CDKL5: variants seen among roughly 807,000 people sequenced by gnomAD.
CDKL5 encodes the protein cyclin dependent kinase like 5.
A neutral mutation model predicts 61.7 loss-of-function variants in CDKL5; 8 were observed. The observed-to-expected ratio is 0.13, with a 90% CI of 0.08 to 0.23. The LOEUF is 0.23. Among genes scored for constraint, CDKL5 ranks in the 10% least tolerant of loss-of-function variants. The probability of loss-of-function intolerance (pLI) is 1.00; values close to 1 mark genes in which losing one functional copy is unlikely to be tolerated. For synonymous variants in CDKL5, 275 were observed against 272.3 expected, an observed-to-expected ratio of 1.01 and a Z score of -0.10; for missense variants, 440 against 734.5, an observed-to-expected ratio of 0.60 and a Z score of 4.63.
At chrX:18,493,353 G>A (rs1922057891) in intron 1 of CDKL5, among the ~76,000 whole-genome samples, 1 of 111,792 alleles carries the variant, frequency 8.9e-6, no homozygotes, top group African/African-American at 3.3e-5. Context: ...CATAGTACCC[G>A]GTACATGGTT....
rs748901881 is a variant in CDKL5 at position 18,554,111 on chromosome X, A to C, written c.100-10366A>C. Among the ~76,000 whole-genome samples, 3 of 106,581 alleles carry C rather than the reference A, an allele frequency of 2.8e-5. No homozygotes were observed. In the East Asian group the frequency reaches 8.8e-4, roughly 31 times the overall value. 92.6% of individuals were successfully genotyped at this position (106,581 alleles called of 115,157 possible). A position where few individuals can be genotyped will look rare whatever the true frequency, so the allele number is the denominator to read the frequency against. On this transcript the variant is annotated intron_variant, in intron 3 of 17. Coordinates refer to ENST00000623535, the MANE Select transcript of CDKL5 (RefSeq NM_001323289.2). ...TTTAAGTTCTAGGGTACATGTGCAC[A>C]ATGTGCAGGTTTGTTACATATGTAT...
chrX:18,599,144 TA>T (rs765014734), intron 11 of CDKL5, among the ~76,000 whole-genome samples: 132 of 112,945 alleles, frequency 1.2e-3, no homozygotes, highest in Non-Finnish European at 2.1e-3. Context: ...ATGGAAATAG[TA>T]AAGTCAGTGA....
chrX:18,588,229 C>G (rs1925707688), intron 9 of CDKL5, 86 bp downstream of exon 9: 2 of 703,211 alleles, frequency 2.8e-6, no homozygotes, highest in Admixed American at 4.5e-5. Flanking sequence ...GCTAAACTAT[C>G]CTTTGAATAC....
At chrX:18,527,017 A>C (rs929670689) in intron 3 of CDKL5, among the ~76,000 whole-genome samples, 16 of 111,481 alleles carry the variant, frequency 1.4e-4, no homozygotes, top group African/African-American at 4.9e-4. Context: ...TCCCGACCTC[A>C]GGTGATCCGC....
chrX:18,577,698 G>A (rs368353602), intron 5 of CDKL5, among the ~76,000 whole-genome samples: 15 of 111,726 alleles, frequency 1.3e-4, no homozygotes, highest in Non-Finnish European at 2.8e-4. Context: ...TGTACTCTTC[G>A]TTCTGGGCAG....
chrX:18,491,845 TTCTC>T (rs763306495), intron 1 of CDKL5, among the ~76,000 whole-genome samples: 1 of 111,554 alleles, frequency 9.0e-6, no homozygotes, highest in African/African-American at 3.2e-5. Flanking sequence ...CATATTTCAC[TTCTC>T]TCTCTAGCTT....
At chrX:18,593,024 C>T (rs1437862142) in intron 9 of CDKL5, among the ~76,000 whole-genome samples, 1 of 112,168 alleles carries the variant, frequency 8.9e-6, no homozygotes, top group African/African-American at 3.2e-5. Context: ...CATCCTGTGC[C>T]TCTGTTTCTT....
intron 20 of CDKL5, among the ~76,000 whole-genome samples, chrX:18,648,141 T>G (rs781544130): frequency 2.7e-4 from 30 of 111,370 alleles, no homozygotes; most frequent in Non-Finnish European, 3.8e-4. Flanking sequence ...GGCAGAGGTT[T>G]CAGTGAGCCG....
intron 3 of CDKL5, among the ~76,000 whole-genome samples, chrX:18,533,136 G>A (rs1923704544): frequency 9.0e-6 from 1 of 111,706 alleles, no homozygotes; most frequent in African/African-American, 3.2e-5. Flanking sequence ...GTTTTAAAAT[G>A]ATTTGCCGTA....
intron 2 of CDKL5, among the ~76,000 whole-genome samples, chrX:18,510,335 A>G (rs1394477221): frequency 9.0e-6 from 1 of 111,624 alleles, no homozygotes; most frequent in African/African-American, 3.3e-5. Context: ...TTGTATTTTT[A>G]GTAGAGATGG....
intron 1 of CDKL5, among the ~76,000 whole-genome samples, chrX:18,430,682 C>T (rs1200869566): frequency 9.1e-6 from 1 of 109,766 alleles, no homozygotes; most frequent in Non-Finnish European, 1.9e-5. Flanking sequence ...TGAGCTCAGA[C>T]AGTCCCCCCG....
chrX:18,545,742 A>G (rs1924169047), intron 3 of CDKL5, among the ~76,000 whole-genome samples: 1 of 112,390 alleles, frequency 8.9e-6, no homozygotes, highest in South Asian at 3.6e-4. Flanking sequence ...GGAATAATGT[A>G]TCTCTCCATT....
intron 20 of CDKL5, among the ~76,000 whole-genome samples, chrX:18,647,028 T>C (rs1927802397): frequency 9.0e-6 from 1 of 111,232 alleles, no homozygotes; most frequent in South Asian, 3.8e-4. Flanking sequence ...GCAATTCTCC[T>C]GCCTCAGCCT....
At chrX:18,524,177 G>T (rs1225297478) in intron 3 of CDKL5, among the ~76,000 whole-genome samples, 1 of 111,811 alleles carries the variant, frequency 8.9e-6, no homozygotes, top group African/African-American at 3.3e-5. Context: ...GAGAGGAGGG[G>T]TTTTAGTCTA....
chrX:18,542,555 C>A (rs1212523157), intron 3 of CDKL5, among the ~76,000 whole-genome samples: 3 of 110,921 alleles, frequency 2.7e-5, no homozygotes, highest in African/African-American at 9.8e-5. Context: ...GCTTTAAAAT[C>A]TCTGTCAGAT....
intron 20 of CDKL5, chrX:18,650,266 C>G: frequency 3.6e-6 from 2 of 551,162 alleles, no homozygotes; most frequent in South Asian, 4.9e-5. Flanking sequence ...TCTAAAGACC[C>G]GTGTGTCCAG....
intron 20 of CDKL5, chrX:18,647,350 A>G (rs1445843985): frequency 8.3e-7 from 1 of 1,206,396 alleles, no homozygotes; most frequent in Non-Finnish European, 1.1e-6. Context: ...AGGAAAAAGA[A>G]TTCACATTCA....
rs140900275 is a variant in CDKL5 at position 18,549,335 on chromosome X, C to T, written c.100-15142C>T. Among the ~76,000 whole-genome samples, 255 of 112,282 alleles carry T rather than the reference C, an allele frequency of 2.3e-3. 1 individual carries two copies. Among genetic ancestry groups the T allele is most frequent in the Non-Finnish European group, 1.9e-3 (103 of 53,246 alleles). ...ATAAGAAAGGCACAGTCAGTCCCTC[C>T]CTTGATAAAGGAATCTCTAGCAAGC... On this transcript the variant is annotated intron_variant, in intron 3 of 17. Coordinates refer to ENST00000623535, the MANE Select transcript of CDKL5 (RefSeq NM_001323289.2).
intron 1 of CDKL5, among the ~76,000 whole-genome samples, chrX:18,468,991 A>T (rs1920991188): frequency 9.0e-6 from 1 of 111,472 alleles, no homozygotes; most frequent in Non-Finnish European, 1.9e-5. Flanking sequence ...TTAGACTTTT[A>T]TGGTTTTTAA....
Sources: gnomAD v4.1 joint callset for allele counts (sites outside exome capture counted in the v4.1 genomes callset) on GRCh38, gnomAD v4.1.1 for gene constraint, MANE v1.5 for transcripts, NCBI Gene and HGNC (gene_info 2026-07-23, HGNC 2026-07-21) for gene names.